The following EFCAB6 variants were observed in gnomAD, a reference collection of about 807,000 sequenced individuals.
EFCAB6 encodes EF-hand calcium binding domain 6, also known as EF-hand calcium-binding domain-containing protein 6.
Under a neutral mutation model 169.8 loss-of-function variants are expected in EFCAB6, and 156 were observed. The observed-to-expected ratio is 0.92, with a 90% CI of 0.81 to 1.05. The LOEUF is 1.05. Ranked by LOEUF, EFCAB6 falls within the 50% of genes least tolerant of loss-of-function variation. The pLI is 0.00. For synonymous variants in EFCAB6, 698 were observed against 676.4 expected, an observed-to-expected ratio of 1.03 and a Z score of -0.50; for missense variants, 1,800 against 1,829.1, an observed-to-expected ratio of 0.98 and a Z score of 0.29.
chr22:43,616,469 G>C (rs896324077), intron 20 of EFCAB6, among the ~76,000 whole-genome samples: 2 of 152,088 alleles, frequency 1.3e-5, no homozygotes, highest in Admixed American at 6.5e-5. Context: ...TCGAGATCAG[G>C]CTGGCCACCA....
chr22:43,564,294 A>T (rs1448522472), intron 26 of EFCAB6, among the ~76,000 whole-genome samples: 2 of 150,608 alleles, frequency 1.3e-5, no homozygotes, highest in African/African-American at 4.9e-5. Context: ...CAAAAAATAC[A>T]AAAATCAGCA....
At chr22:43,772,636 T>C (rs1388904964) in intron 4 of EFCAB6, among the ~76,000 whole-genome samples, 8 of 84,570 alleles carry the variant, frequency 9.5e-5, no homozygotes, top group African/African-American at 3.8e-4. Context: ...AGTGAAATTC[T>C]GTCTCAAAAA....
At chr22:43,751,091 C>T (rs888334739) in intron 6 of EFCAB6, among the ~76,000 whole-genome samples, 1 of 152,176 alleles carries the variant, frequency 6.6e-6, no homozygotes, top group Non-Finnish European at 1.5e-5. Flanking sequence ...GGTAGTGACA[C>T]GGTACAAGAG....
intron 27 of EFCAB6, among the ~76,000 whole-genome samples, chr22:43,545,821 T>TTGCCCA (rs2048026398): frequency 6.6e-6 from 1 of 152,184 alleles, no homozygotes; most frequent in Admixed American, 6.6e-5. Flanking sequence ...GCAGCATCTT[T>TTGCCCA]GGCACTTGGA....
rs576559203 is a variant in EFCAB6 at position 43,545,019 on chromosome 22, C to A, written c.3649-4662G>T. Among the ~76,000 whole-genome samples the A allele has an allele frequency of 5.2e-3, 787 of 152,056 alleles. 4 individuals carry two copies. Among genetic ancestry groups the A allele is most frequent in the Middle Eastern group, 0.041 (12 of 294 alleles). ...AAAATTAGCCGGGCGTGGTGGCGGG[C>A]GCCTGTAGTCCCAGATACTCAGGAG... On this transcript the variant is annotated intron_variant, in intron 27 of 31. Coordinates refer to ENST00000262726, the MANE Select transcript of EFCAB6 (RefSeq NM_022785.4).
chr22:43,576,548 A>G, intron 25 of EFCAB6, 60 bp from the exon 26 acceptor site: 3 of 1,410,412 alleles, frequency 2.1e-6, no homozygotes, highest in Non-Finnish European at 2.8e-6. Context: ...CTTCTAAAAC[A>G]CTTTCCTTAA....
chr22:43,733,785 T>G lies in EFCAB6; in HGVS notation c.645-1974A>C, dbSNP rs183121863. Among the ~76,000 whole-genome samples, 319 of 152,254 alleles carry G rather than the reference T, an allele frequency of 2.1e-3. 1 individual carries two copies. The highest frequency in any genetic ancestry group is 7.4e-3 in the African/African-American group (307 of 41,542). ...GTGCAGTGGTGCGATCTCAGCTCACTGCAACCTCCGCCTCCCGGGTTCAAG... is the reference window on the plus strand; with the variant it reads ...GTGCAGTGGTGCGATCTCAGCTCACGGCAACCTCCGCCTCCCGGGTTCAAG... On this transcript the variant is annotated intron_variant, in intron 7 of 31. Transcript: ENST00000262726.
intron 6 of EFCAB6, 36 bp downstream of exon 6, chr22:43,755,730 G>A (rs745911583): frequency 1.3e-6 from 2 of 1,544,112 alleles, no homozygotes; most frequent in South Asian, 2.5e-5. Context: ...CAATGGGTGG[G>A]GTGGGGGGAA....
At chr22:43,547,399 T>C (rs995314753) in intron 27 of EFCAB6, among the ~76,000 whole-genome samples, 2 of 152,158 alleles carry the variant, frequency 1.3e-5, no homozygotes, top group Admixed American at 1.3e-4. Flanking sequence ...ATAACAGAAA[T>C]AGATATATAA....
chr22:43,672,165 C>T, intron 14 of EFCAB6, 32 bp from the exon 15 acceptor site: 1 of 1,613,472 alleles, frequency 6.2e-7, no homozygotes, highest in Middle Eastern at 1.7e-4. Flanking sequence ...ATTTCCTAAG[C>T]CATACATCTG....
intron 22 of EFCAB6, among the ~76,000 whole-genome samples, chr22:43,604,059 C>T (rs2052731204): frequency 6.6e-6 from 1 of 152,114 alleles, no homozygotes; most frequent in Admixed American, 6.5e-5. Context: ...GCGCTGGCTC[C>T]CTTTTTTTTT....
intron 13 of EFCAB6, among the ~76,000 whole-genome samples, chr22:43,673,191 C>T (rs181367711): frequency 8.6e-5 from 13 of 151,916 alleles, no homozygotes; most frequent in East Asian, 7.8e-4. Flanking sequence ...GGAAGAGAAC[C>T]GGTAGCTAGG....
intron 8 of EFCAB6, among the ~76,000 whole-genome samples, chr22:43,725,245 A>C (rs2059687671): frequency 6.6e-6 from 1 of 150,802 alleles, no homozygotes; most frequent in East Asian, 2.0e-4. Context: ...GGGTTCAAGC[A>C]ATTCTCCTGC....
At chr22:43,576,230 T>A in intron 26 of EFCAB6, 67 bp downstream of exon 26, 1 of 1,376,332 alleles carries the variant, frequency 7.3e-7, no homozygotes, top group South Asian at 1.4e-5. Context: ...TAATCAATTA[T>A]CCATTTTGTA....
chr22:43,595,599 T>C (rs1272732359), intron 23 of EFCAB6, among the ~76,000 whole-genome samples: 6 of 152,038 alleles, frequency 3.9e-5, no homozygotes, highest in Non-Finnish European at 1.5e-5. Context: ...ATCAAAGCAG[T>C]AATAAAAAGT....
At chr22:43,724,201 C>G (rs1217533172) in intron 8 of EFCAB6, among the ~76,000 whole-genome samples, 1 of 152,158 alleles carries the variant, frequency 6.6e-6, no homozygotes, top group African/African-American at 2.4e-5. Flanking sequence ...TCAGCACTCT[C>G]AAGCTCAGCC....
At chr22:43,542,211 G>A (rs909771176) in intron 27 of EFCAB6, among the ~76,000 whole-genome samples, 1 of 152,238 alleles carries the variant, frequency 6.6e-6, no homozygotes, top group Admixed American at 6.5e-5. Context: ...CTTGGCAGGA[G>A]ACAATCCCAG....
chr22:43,727,388 A>T (rs1387646836), intron 8 of EFCAB6, among the ~76,000 whole-genome samples: 1 of 152,202 alleles, frequency 6.6e-6, no homozygotes, highest in African/African-American at 2.4e-5. Flanking sequence ...TGATTGCACC[A>T]CTGCATTCCT....
intron 10 of EFCAB6, among the ~76,000 whole-genome samples, chr22:43,693,557 A>G (rs1437268765): frequency 6.7e-6 from 1 of 149,312 alleles, no homozygotes; most frequent in Non-Finnish European, 1.5e-5. Context: ...GGAACAGAAA[A>G]TAAAAATCAT....
Sources: gnomAD v4.1 joint callset for allele counts (sites outside exome capture counted in the v4.1 genomes callset) on GRCh38, gnomAD v4.1.1 for gene constraint, MANE v1.5 for transcripts, NCBI Gene and HGNC (gene_info 2026-07-23, HGNC 2026-07-21) for gene names.